Variants in METTL14 observed in about 807,000 individuals in gnomAD.
The protein encoded by METTL14 is N(6)-adenosine-methyltransferase non-catalytic subunit METTL14.
METTL14 carries 32 observed loss-of-function variants against 62.4 expected under a neutral mutation model. The ratio of observed to expected loss-of-function variants is 0.51; its 90% CI spans 0.39 to 0.69. The LOEUF is 0.69. Ranked by LOEUF, METTL14 falls within the 30% of genes least tolerant of loss-of-function variation. The probability of loss-of-function intolerance (pLI) is 0.00; values close to 1 mark genes in which losing one functional copy is unlikely to be tolerated. For missense variants in METTL14, 340 were observed against 551.9 expected, an observed-to-expected ratio of 0.62 and a Z score of 3.85; for synonymous variants, 150 against 180.0, an observed-to-expected ratio of 0.83 and a Z score of 1.34.
At chr4:118,706,222 C>T (rs35023705) in intron 10 of METTL14, among the ~76,000 whole-genome samples, 45,606 of 152,030 alleles carry the variant, frequency 0.3, 7,510 homozygotes, top group Non-Finnish European at 0.37. Flanking sequence ...AATAGTTTCA[C>T]GGCCCTAAAA....
At chr4:118,688,087 G>T (rs1405720868) in intron 2 of METTL14, 76 bp downstream of exon 2, 2 of 1,209,558 alleles carry the variant, frequency 1.7e-6, no homozygotes, top group East Asian at 2.5e-5. Context: ...ATAGGCTGGA[G>T]TACAGTAGCA....
At chr4:118,692,155 A>T in intron 5 of METTL14, 87 bp downstream of exon 5, 1 of 795,162 alleles carries the variant, frequency 1.3e-6, no homozygotes, top group Non-Finnish European at 2.0e-6. Context: ...TTCTAACAAA[A>T]TTATTTCTCC....
At chr4:118,688,715 C>T (rs573509815) in intron 2 of METTL14, among the ~76,000 whole-genome samples, 1 of 152,262 alleles carries the variant, frequency 6.6e-6, no homozygotes, top group African/African-American at 2.4e-5. Flanking sequence ...CGCTCTGTCA[C>T]CAGGCTTGAG....
Position 118,691,548 on chromosome 4 carries a change from A to C in METTL14, c.260A>C (p.Gln87Pro), listed in dbSNP as rs1439222321. ...TTTTTCAAGGATGAACTAGAAATGC[A>C]ACAGGATGAAGAAAATTTGCCATAT... ...MEEYKDELEM[Q>P]QDEENLPYEE... The change falls in exon 4 of 11, where the codon CAA becomes CCA. Residue 87 changes from glutamine to proline, a missense_variant. This residue lies in a region of METTL14 where 111 missense variants were observed against 116.6 expected (regional missense o/e 0.95). Coordinates refer to ENST00000388822, the MANE Select transcript of METTL14 (RefSeq NM_020961.4). 1 of 1,553,266 alleles carries C rather than the reference A, an allele frequency of 6.4e-7. No individual in the cohort carries two copies. Among genetic ancestry groups the C allele is most frequent in the East Asian group, 2.3e-5 (1 of 42,716 alleles).
chr4:118,712,977 AAC>A lies in METTL14; in HGVS notation c.*2679_*2680del, dbSNP rs1283679164. 6.6e-6 allele frequency: 1 copy of A among 152,144 alleles called. No homozygotes were observed. The highest frequency in any genetic ancestry group is 1.5e-5 in the Non-Finnish European group (1 of 68,024). The allele number at this position is 152,144 out of a possible 1,614,324, so 9.4% of individuals were successfully genotyped here. A position where few individuals can be genotyped will look rare whatever the true frequency, so the allele number is the denominator to read the frequency against. On this transcript the variant is annotated 3_prime_UTR_variant, in exon 11 of 11. Coordinates refer to ENST00000388822, the MANE Select transcript of METTL14 (RefSeq NM_020961.4). The stretch of plus-strand genomic sequence containing the variant: ...TTTATGGTGTGGAATACCATACCTA[AAC>A]ACAAATGAATCAGATTAGACCACAG...
rs773521841 is a variant in METTL14, at chr4:118,710,128, G to C, written c.1197G>C (p.Ser399=). 6 of 1,614,110 alleles carry C rather than the reference G, an allele frequency of 3.7e-6. No individual in the cohort carries two copies. Among genetic ancestry groups the C allele is most frequent in the Non-Finnish European group, 5.1e-6 (6 of 1,180,028 alleles). ...TEEIERLRPK[S]PPPKSKSDRG... is the part of the protein sequence containing the mutation. ...AAATTGAGAGACTTCGACCAAAATCGCCTCCTCCCAAATCTAAATCTGACC... is the reference window on the plus strand; with the variant it reads ...AAATTGAGAGACTTCGACCAAAATCCCCTCCTCCCAAATCTAAATCTGACC... Residue 399 remains serine, a synonymous_variant, in exon 11 of 11, where the codon TCG becomes TCC. Transcript: ENST00000388822.
chr4:118,690,421 G>A (rs1331600888), intron 3 of METTL14, among the ~76,000 whole-genome samples: 2 of 151,992 alleles, frequency 1.3e-5, no homozygotes, highest in South Asian at 2.1e-4. Flanking sequence ...CCTCACGCTT[G>A]TAATCCCAGC....
At chr4:118,685,863 C>T (rs931585398) in intron 1 of METTL14, among the ~76,000 whole-genome samples, 2 of 152,132 alleles carry the variant, frequency 1.3e-5, no homozygotes, top group Non-Finnish European at 2.9e-5. Flanking sequence ...GAACTCCCAC[C>T]GAGTGTCTGG....
At chr4:118,696,108 A>G (rs1375167596) in intron 6 of METTL14, among the ~76,000 whole-genome samples, 28 of 116,870 alleles carry the variant, frequency 2.4e-4, no homozygotes, top group Non-Finnish European at 3.8e-4. Context: ...ACAGAGTGAG[A>G]CTCTGTCTCA....
chr4:118,688,199 C>T (rs577732284), intron 2 of METTL14, among the ~76,000 whole-genome samples, 188 bp downstream of exon 2: 1 of 152,004 alleles, frequency 6.6e-6, no homozygotes, highest in East Asian at 1.9e-4. Flanking sequence ...TGTGCCGAGG[C>T]AGGTGGATCA....
intron 7 of METTL14, 86 bp from the exon 8 acceptor site, chr4:118,700,464 T>C: frequency 9.7e-7 from 1 of 1,033,382 alleles, no homozygotes; most frequent in Non-Finnish European, 1.5e-6. Context: ...ACATCTATCC[T>C]AATAAATCTT....
intron 8 of METTL14, among the ~76,000 whole-genome samples, chr4:118,702,971 A>ATTATTATTATTG (rs531667576): frequency 7.5e-4 from 109 of 144,894 alleles, no homozygotes; most frequent in African/African-American, 2.6e-3. Context: ...TATTATTATT[A>ATTATTATTATTG]TTATTATACT....
At position 118,714,338 on chromosome 4, in the gene METTL14, C is replaced by G. The variant is rs1438118970; in HGVS notation, c.*4036C>G. On this transcript the variant is annotated 3_prime_UTR_variant, in exon 11 of 11. Coordinates refer to ENST00000388822, the MANE Select transcript of METTL14 (RefSeq NM_020961.4). ...GTGCGTTAGTAAATGGCCACTGACT[C>G]TTGGTCTCAGGCCATAGCAACTATA... The G allele has an allele frequency of 1.3e-5, 2 of 152,212 alleles. No homozygotes were observed. The highest frequency in any genetic ancestry group is 2.9e-5 in the Non-Finnish European group (2 of 68,046). 9.4% of individuals were successfully genotyped at this position (152,212 alleles called of 1,614,324 possible).
At chr4:118,690,317 C>T (rs560059092) in intron 3 of METTL14, among the ~76,000 whole-genome samples, 337 of 150,528 alleles carry the variant, frequency 2.2e-3, no homozygotes, top group African/African-American at 7.7e-3. Context: ...GGATTATAGG[C>T]GTGAGCCACC....
rs778400494 is a variant in METTL14, at chr4:118,700,678, T to A, written c.738+36T>A. 8.3e-6 allele frequency: 12 copies of A among 1,453,476 alleles called. No individual in the cohort carries two copies. The Admixed American group carries it at 1.4e-4, about 17-fold the overall frequency. The allele number at this position is 1,453,476 out of a possible 1,614,324, so 90.0% of individuals were successfully genotyped here. On this transcript the variant is annotated intron_variant, in intron 8 of 10. Transcript: ENST00000388822. ...GCTTTTATAAAGTGGATTTTTAAAT[T>A]AATAAGAAAAAAATGTAACAGTATG...
At chr4:118,686,069 G>C (rs1365413270) in intron 1 of METTL14, among the ~76,000 whole-genome samples, 1 of 152,172 alleles carries the variant, frequency 6.6e-6, no homozygotes, top group Non-Finnish European at 1.5e-5. Flanking sequence ...GTAAATTTTA[G>C]ATTCTGCATC....
chr4:118,701,719 A>G (rs1330120503), intron 8 of METTL14, among the ~76,000 whole-genome samples: 1 of 152,190 alleles, frequency 6.6e-6, no homozygotes, highest in Non-Finnish European at 1.5e-5. Flanking sequence ...ACACCAAACT[A>G]TCTCATTTAA....
In METTL14 at chr4:118,707,453, C is replaced by G. The variant is rs531988652; in HGVS notation, c.1066+1632C>G. ...CCAGGGTGGGCAGATCACTTGAGGT[C>G]AGGAGTTTGAGACCAGCCTGGGCAA... is the stretch of plus-strand genomic sequence containing the variant. On this transcript the variant is annotated intron_variant, in intron 10 of 10. Coordinates refer to ENST00000388822, the MANE Select transcript of METTL14 (RefSeq NM_020961.4). 3.7e-3 allele frequency among the ~76,000 whole-genome samples: 556 copies of G among 152,050 alleles called. 4 individuals carry two copies. Among genetic ancestry groups the G allele is most frequent in the African/African-American group, 0.013 (519 of 41,498 alleles).
intron 10 of METTL14, among the ~76,000 whole-genome samples, chr4:118,709,325 CAGTT>C (rs1480527869): frequency 6.6e-6 from 1 of 152,116 alleles, no homozygotes; most frequent in Non-Finnish European, 1.5e-5. Context: ...TTTGTGGAAA[CAGTT>C]GGAAGGTTTT....
Sources: gnomAD v4.1 joint callset for allele counts (sites outside exome capture counted in the v4.1 genomes callset) on GRCh38, gnomAD v4.1.1 for gene constraint, gnomAD v4.1.1 regional missense constraint, MANE v1.5 for transcripts, NCBI Gene and HGNC (gene_info 2026-07-23, HGNC 2026-07-21) for gene names.